The following VIPR1 variants were observed in gnomAD, a reference collection of about 807,000 sequenced individuals.
The protein encoded by VIPR1 is vasoactive intestinal polypeptide receptor 1.
Under a neutral mutation model 58.8 loss-of-function variants are expected in VIPR1, and 59 were observed. The ratio of observed to expected loss-of-function variants is 1.00; its 90% CI spans 0.81 to 1.25. The LOEUF (loss-of-function observed/expected upper bound fraction) is 1.25, where lower values mean the gene tolerates loss of function less well. Ranked by LOEUF, VIPR1 falls within the 50% of genes most tolerant of loss-of-function variation. The pLI, the probability that VIPR1 is intolerant of heterozygous loss-of-function variation, is 0.00. For synonymous variants in VIPR1, 251 were observed against 242.1 expected (o/e 1.04, Z -0.34); for missense variants, 626 against 602.7 (o/e 1.04, Z -0.40).
At chr3:42,532,184 G>T in intron 9 of VIPR1, 58 bp from the exon 10 acceptor site, 1 of 1,527,976 alleles carries the variant, frequency 6.5e-7, no homozygotes, top group Non-Finnish European at 9.1e-7. Context: ...CAGTCAAGGG[G>T]CCTGAACACC....
Position 42,530,816 on chromosome 3 carries a change from G to T in VIPR1, c.674G>T (p.Cys225Phe). 1 of 1,614,080 alleles carries T rather than the reference G, an allele frequency of 6.2e-7. No individual in the cohort carries two copies. Among genetic ancestry groups the T allele is most frequent in the Non-Finnish European group, 8.5e-7 (1 of 1,179,974 alleles). ...GCAGCCATGGTCTTTTTCCAATATT[G>T]TGTCATGGCTAACTTCTTCTGGCTG... ...CKAAMVFFQY[C>F]VMANFFWLLV... Residue 225 changes from cysteine to phenylalanine, a missense_variant, in exon 7 of 13, where the codon TGT becomes TTT. Transcript: ENST00000325123.
rs1700476214 is a variant in VIPR1 at position 42,513,739 on chromosome 3, T to G, written c.79-10T>G. ...CGAGGCTGATGGGCCCTCCCTGTCT[T>G]TGTTCTCAGGGCGGCCAGGCGGCCA... is the stretch of plus-strand genomic sequence containing the variant. On this transcript the variant is annotated splice_polypyrimidine_tract_variant and intron_variant, in intron 1 of 12. Coordinates refer to ENST00000325123, the MANE Select transcript of VIPR1 (RefSeq NM_004624.4). 1 of 1,550,990 alleles carries G rather than the reference T, an allele frequency of 6.4e-7. No individual in the cohort carries two copies. The highest frequency in any genetic ancestry group is 2.4e-5 in the East Asian group (1 of 40,922).
intron 10 of VIPR1, 140 bp from the exon 11 acceptor site, chr3:42,534,835 C>T: frequency 8.9e-7 from 1 of 1,126,632 alleles, no homozygotes; most frequent in Non-Finnish European, 1.2e-6. Flanking sequence ...GCATAATATT[C>T]AGAGGAACCT....
chr3:42,513,832 C>T lies in VIPR1; in HGVS notation c.162C>T (p.Ala54=). ...AGCACAAGCAGTGCCTGGAGGAGGC[C>T]CAGCTGGAGAATGAGACAATAGGTG... The part of the protein sequence containing the change: ...EVQHKQCLEE[A]QLENETIGCS... Residue 54 remains alanine (A), a synonymous_variant, in exon 2 of 13, where the codon GCC becomes GCT. Coordinates refer to ENST00000325123, the MANE Select transcript of VIPR1 (RefSeq NM_004624.4). 1 of 1,551,568 alleles carries T rather than the reference C, an allele frequency of 6.4e-7. No homozygotes were observed. Among genetic ancestry groups the T allele is most frequent in the Non-Finnish European group, 8.7e-7 (1 of 1,146,930 alleles).
rs139892619 is a variant in VIPR1, at chr3:42,490,540, C to A, written c.-245+862C>A. Among the ~76,000 whole-genome samples the A allele has an allele frequency of 3.3e-3, 504 of 152,322 alleles. 2 individuals carry two copies. Among genetic ancestry groups the A allele is most frequent in the African/African-American group, 8.5e-3 (353 of 41,574 alleles). ...CTGGCCAGTTCCTCCCCTTCCTTGG[C>A]ACCTGGCCTGGAAGTCCCTTACCAA... On this transcript the variant is annotated intron_variant, in intron 1 of 13. Transcript: ENST00000433647.
rs529829016 is a variant in VIPR1 at position 42,528,100 on chromosome 3, T to G, written c.613T>G (p.Ser205Ala). The change falls in exon 6 of 13, where the codon TCG becomes GCG. Residue 205 changes from serine (S) to alanine (A), a missense_variant. Transcript: ENST00000325123. ...KDLALFDSGESDQCSEGSVGC... is the reference protein window; with the variant it reads ...KDLALFDSGEADQCSEGSVGC... Reference sequence around the variant, plus strand: ...CTTGGCCCTCTTCGACAGCGGGGAGTCGGACCAGTGCTCCGAGGGCTCGGT... The same window carrying G: ...CTTGGCCCTCTTCGACAGCGGGGAGGCGGACCAGTGCTCCGAGGGCTCGGT... 2 of 1,612,478 alleles carry G rather than the reference T, an allele frequency of 1.2e-6. No homozygotes were observed. Among genetic ancestry groups the G allele is most frequent in the African/African-American group, 2.7e-5 (2 of 74,542 alleles).
chr3:42,519,540 C>CT (rs1431970285), intron 3 of VIPR1: 5 of 461,206 alleles, frequency 1.1e-5, no homozygotes, highest in Non-Finnish European at 1.5e-5. Context: ...GTGGGAAAGG[C>CT]TCACTAAATA....
intron 1 of VIPR1, among the ~76,000 whole-genome samples, chr3:42,495,229 C>T (rs1195799397): frequency 2.0e-5 from 3 of 152,084 alleles, no homozygotes; most frequent in Non-Finnish European, 4.4e-5. Context: ...TCAAGCGATT[C>T]TCCTGCCTCA....
intron 5 of VIPR1, 139 bp from the exon 6 acceptor site, chr3:42,527,852 G>C: frequency 8.0e-7 from 1 of 1,248,430 alleles, no homozygotes; most frequent in South Asian, 1.4e-5. Flanking sequence ...TTTCAGGATG[G>C]GATCCCCTTT....
At chr3:42,527,894 C>T (rs188133362) in intron 5 of VIPR1, 97 bp from the exon 6 acceptor site, 10 of 1,515,774 alleles carry the variant, frequency 6.6e-6, no homozygotes, top group Admixed American at 5.7e-5. Context: ...AGGACACATG[C>T]TCCCCTGCCC....
chr3:42,509,542 A>C (rs1029122858), intron 1 of VIPR1, among the ~76,000 whole-genome samples: 24 of 152,160 alleles, frequency 1.6e-4, no homozygotes, highest in African/African-American at 5.3e-4. Context: ...GCCCCTCACC[A>C]ATTCCTATGC....
intron 5 of VIPR1, 170 bp downstream of exon 5, chr3:42,527,666 G>A (rs571748497): frequency 4.3e-6 from 3 of 690,928 alleles, no homozygotes; most frequent in Non-Finnish European, 7.3e-6. Context: ...GCAGGTGGCT[G>A]AGCTCTTCCA....
At chr3:42,489,684 G>A (rs1454783866) in intron 1 of VIPR1, 3 of 152,274 alleles carry the variant, frequency 2.0e-5, no homozygotes, top group Admixed American at 6.5e-5. Context: ...GGACGGTAGG[G>A]TAAGACCCAG....
intron 1 of VIPR1, among the ~76,000 whole-genome samples, chr3:42,491,231 T>TA (rs1020695353): frequency 2.6e-5 from 4 of 152,194 alleles, no homozygotes; most frequent in Admixed American, 2.6e-4. Flanking sequence ...AAACAACTGG[T>TA]AAAAATAAAT....
chr3:42,493,026 G>T (rs1412913373), intron 1 of VIPR1, among the ~76,000 whole-genome samples: 3 of 152,252 alleles, frequency 2.0e-5, no homozygotes, highest in African/African-American at 4.8e-5. Context: ...ACCCAAGAAA[G>T]GCTGAAGTTC....
chr3:42,528,422 C>G (rs1456819537), intron 6 of VIPR1: 4 of 377,068 alleles, frequency 1.1e-5, no homozygotes, highest in Non-Finnish European at 2.0e-5. Context: ...GCACCTGTCC[C>G]ACCTGTTGCT....
At chr3:42,526,613 C>T (rs908251859) in intron 4 of VIPR1, among the ~76,000 whole-genome samples, 2 of 152,148 alleles carry the variant, frequency 1.3e-5, no homozygotes, top group South Asian at 2.1e-4. Flanking sequence ...CTTCTCAGAC[C>T]GGGCTTTCAC....
At chr3:42,531,147 T>A in intron 7 of VIPR1, 1 of 649,866 alleles carries the variant, frequency 1.5e-6, no homozygotes, top group Non-Finnish European at 2.6e-6. Context: ...GGCTGACCTG[T>A]GGGACAGATT....
intron 8 of VIPR1, 136 bp downstream of exon 8, chr3:42,531,667 C>T: frequency 6.5e-7 from 1 of 1,543,734 alleles, no homozygotes; most frequent in Non-Finnish European, 8.9e-7. Context: ...TGGAGGAGGA[C>T]CTGGGGAGCA....
Sources: gnomAD v4.1 joint callset for allele counts (sites outside exome capture counted in the v4.1 genomes callset) on GRCh38, gnomAD v4.1.1 for gene constraint, MANE v1.5 for transcripts, NCBI Gene and HGNC (gene_info 2026-07-23, HGNC 2026-07-21) for gene names.